MELK: variants seen among roughly 807,000 people sequenced by gnomAD.
The protein encoded by MELK is maternal embryonic leucine zipper kinase.
In MELK, 81 loss-of-function variants were observed where a neutral mutation model predicts 85.0. The ratio of observed to expected loss-of-function variants is 0.95; its 90% confidence interval spans 0.80 to 1.15. The LOEUF is 1.15. Among genes scored for constraint, MELK ranks in the 50% most tolerant of loss-of-function variants. MELK has a pLI of 0.00. For missense variants in MELK, 754 were observed against 777.5 expected (o/e 0.97, Z 0.36); for synonymous variants, 252 against 265.0 (o/e 0.95, Z 0.48).
At chr9:36,620,874 A>C (rs942265025) in intron 8 of MELK, among the ~76,000 whole-genome samples, 1 of 151,756 alleles carries the variant, frequency 6.6e-6, no homozygotes, top group African/African-American at 2.4e-5. Flanking sequence ...GAGATTTTGA[A>C]TCTTGATTCT....
At chr9:36,631,043 A>G (rs1047537063) in intron 9 of MELK, among the ~76,000 whole-genome samples, 7 of 150,824 alleles carry the variant, frequency 4.6e-5, no homozygotes, top group Non-Finnish European at 2.9e-5. Flanking sequence ...GGCTCACTGC[A>G]ACCTTTGCCT....
intron 8 of MELK, among the ~76,000 whole-genome samples, chr9:36,628,468 G>A (rs1320047339): frequency 6.6e-6 from 1 of 151,790 alleles, no homozygotes; most frequent in African/African-American, 2.4e-5. Context: ...TTGGCAGGCT[G>A]GAGTGCAGTG....
At chr9:36,606,743 A>G (rs1825589576) in intron 7 of MELK, 1 of 147,928 alleles carries the variant, frequency 6.8e-6, no homozygotes, top group African/African-American at 2.5e-5. Context: ...ACATATATAC[A>G]TATATAATAT....
At chr9:36,580,150 T>C (rs1822072191) in intron 1 of MELK, among the ~76,000 whole-genome samples, 1 of 148,928 alleles carries the variant, frequency 6.7e-6, no homozygotes, top group Non-Finnish European at 1.5e-5. Context: ...TGCCTCAGCC[T>C]CCCAAGTAGG....
intron 8 of MELK, among the ~76,000 whole-genome samples, chr9:36,619,654 C>T (rs964992333): frequency 6.6e-6 from 1 of 151,936 alleles, no homozygotes; most frequent in African/African-American, 2.4e-5. Context: ...AGTTTTGAAC[C>T]CCCCAAAAAT....
chr9:36,610,729 G>A (rs1229519409), intron 8 of MELK, among the ~76,000 whole-genome samples: 1 of 152,194 alleles, frequency 6.6e-6, no homozygotes, highest in Non-Finnish European at 1.5e-5. Flanking sequence ...CAGGATACAG[G>A]GGAGAGTAGG....
chr9:36,603,778 A>T (rs1332854384), intron 7 of MELK, among the ~76,000 whole-genome samples: 1 of 151,940 alleles, frequency 6.6e-6, no homozygotes, highest in Admixed American at 6.6e-5. Flanking sequence ...TTATGATTTT[A>T]GTTAATTTAT....
intron 5 of MELK, among the ~76,000 whole-genome samples, chr9:36,596,887 T>G (rs529934319): frequency 6.6e-6 from 1 of 152,234 alleles, no homozygotes; most frequent in Non-Finnish European, 1.5e-5. Context: ...TGCCCAGCCC[T>G]TCTTTTCCCT....
intron 7 of MELK, 35 bp downstream of exon 7, chr9:36,599,521 G>A (rs1346567232): frequency 1.3e-6 from 2 of 1,515,738 alleles, no homozygotes; most frequent in South Asian, 1.1e-5. Context: ...TATATAATCA[G>A]CAGACATTTA....
At position 36,674,862 on chromosome 9, in the gene MELK, T is replaced by G; in HGVS notation, c.1703T>G (p.Leu568Ter). The change falls in exon 17 of 18, where the codon TTA becomes TGA. Residue 568 changes from leucine to a stop codon, truncating the protein, a stop_gained. Transcript: ENST00000298048. LOFTEE classifies it high-confidence loss of function. ...KLHYNVTTTR[L>*]VNPDQLLNEI... ...CACTATAACGTGACTACAACTAGAT[T>G]AGTGAATCCAGATCAACTGTTGAAT... The G allele has an allele frequency of 6.3e-7, 1 of 1,595,280 alleles. No individual in the cohort carries two copies. The highest frequency in any genetic ancestry group is 8.6e-7 in the Non-Finnish European group (1 of 1,163,490).
At chr9:36,614,030 G>T (rs1460559326) in intron 8 of MELK, among the ~76,000 whole-genome samples, 2 of 152,018 alleles carry the variant, frequency 1.3e-5, no homozygotes, top group African/African-American at 2.4e-5. Flanking sequence ...TGGTCAGGAG[G>T]ATATTGTAAT....
intron 14 of MELK, among the ~76,000 whole-genome samples, chr9:36,667,307 T>TA (rs750270362): frequency 4.6e-5 from 7 of 151,782 alleles, no homozygotes; most frequent in Admixed American, 4.6e-4. Flanking sequence ...AGGCGCCTGC[T>TA]ACCACGCTCA....
intron 1 of MELK, among the ~76,000 whole-genome samples, chr9:36,576,603 G>C (rs1821673766): frequency 6.6e-6 from 1 of 152,060 alleles, no homozygotes; most frequent in South Asian, 2.1e-4. Context: ...GTGATCGCGG[G>C]TCACTGCAAC....
At chr9:36,587,157 C>G (rs1442835742) in intron 3 of MELK, among the ~76,000 whole-genome samples, 1 of 151,282 alleles carries the variant, frequency 6.6e-6, no homozygotes, top group Non-Finnish European at 1.5e-5. Context: ...CCGATTACTT[C>G]CATGGTTTTA....
intron 2 of MELK, among the ~76,000 whole-genome samples, chr9:36,582,231 G>A (rs1229248440): frequency 6.6e-6 from 1 of 151,980 alleles, no homozygotes; most frequent in East Asian, 1.9e-4. Flanking sequence ...GCCTCCCAAA[G>A]TGCTGGGATT....
At chr9:36,609,961 C>T (rs1825929947) in intron 8 of MELK, among the ~76,000 whole-genome samples, 1 of 151,982 alleles carries the variant, frequency 6.6e-6, no homozygotes, top group Admixed American at 6.6e-5. Flanking sequence ...GAAATTAATA[C>T]AGGAGTTGGG....
At chr9:36,593,580 TAGC>T (rs1823866887) in intron 4 of MELK, among the ~76,000 whole-genome samples, 1 of 152,240 alleles carries the variant, frequency 6.6e-6, no homozygotes, top group Non-Finnish European at 1.5e-5. Context: ...TATTTTGTTA[TAGC>T]AGCCCAAATG....
At chr9:36,651,709 G>C (rs1187318669) in intron 11 of MELK, 37 bp from the exon 12 acceptor site, 1 of 1,595,468 alleles carries the variant, frequency 6.3e-7, no homozygotes, top group South Asian at 1.1e-5. Flanking sequence ...CCACAAACAA[G>C]TAATCTTCTA....
chr9:36,582,127 C>G (rs1270518671), intron 2 of MELK, among the ~76,000 whole-genome samples: 2 of 151,998 alleles, frequency 1.3e-5, no homozygotes, highest in African/African-American at 4.8e-5. Flanking sequence ...GCTCGCCATG[C>G]CTGGCTAATT....
Sources: allele counts gnomAD v4.1 joint callset (sites outside exome capture counted in the v4.1 genomes callset), GRCh38; gene constraint gnomAD v4.1.1; transcripts MANE v1.5; gene names NCBI Gene and HGNC (gene_info 2026-07-23, HGNC 2026-07-21).